Variants in NSD1 observed in about 807,000 individuals in gnomAD.
The protein encoded by NSD1 is nuclear receptor binding SET domain protein 1.
Under a neutral mutation model 242.7 loss-of-function variants are expected in NSD1, and 26 were observed. The observed-to-expected ratio is 0.11, with a 90% CI of 0.08 to 0.15. The LOEUF (loss-of-function observed/expected upper bound fraction) is 0.15, where lower values mean the gene tolerates loss of function less well. Among genes scored for constraint, NSD1 ranks in the 10% least tolerant of loss-of-function variants. NSD1 has a pLI of 1.00. For missense variants in NSD1, 2,495 were observed against 3,272.8 expected (o/e 0.76, Z 5.80); for synonymous variants, 1,106 against 1,178.1 (o/e 0.94, Z 1.25).
chr5:177,170,749 T>C (rs995592529), intron 2 of NSD1, among the ~76,000 whole-genome samples: 4 of 152,176 alleles, frequency 2.6e-5, no homozygotes, highest in African/African-American at 7.2e-5. Flanking sequence ...CACAGTGTTA[T>C]ATAATCATTT....
intron 2 of NSD1, among the ~76,000 whole-genome samples, chr5:177,161,938 A>C (rs1006512625): frequency 3.3e-5 from 5 of 152,010 alleles, no homozygotes; most frequent in African/African-American, 1.2e-4. Context: ...GGTGTGAGCC[A>C]CTGTTCTAGG....
chr5:177,163,005 G>T (rs1758881840), intron 2 of NSD1, among the ~76,000 whole-genome samples: 1 of 152,020 alleles, frequency 6.6e-6, no homozygotes, highest in South Asian at 2.1e-4. Flanking sequence ...AAGAGACAGG[G>T]TCTCCCTGTG....
chr5:177,246,593 G>A (rs1308504247), intron 9 of NSD1, 85 bp from the exon 10 acceptor site: 36 of 900,674 alleles, frequency 4.0e-5, no homozygotes, highest in Non-Finnish European at 5.6e-5. Flanking sequence ...GAGTTTTAAG[G>A]TTGGTTTTTA....
chr5:177,281,733 A>G (rs1758904493), intron 18 of NSD1, among the ~76,000 whole-genome samples: 1 of 152,132 alleles, frequency 6.6e-6, no homozygotes, highest in East Asian at 1.9e-4. Context: ...GCTCACTGCA[A>G]CCTTCAACTT....
intron 8 of NSD1, among the ~76,000 whole-genome samples, chr5:177,240,280 A>C (rs963265505): frequency 2.0e-5 from 3 of 152,032 alleles, no homozygotes; most frequent in African/African-American, 7.3e-5. Flanking sequence ...CCCAGGCTGG[A>C]GTGCAGTGGC....
chr5:177,289,419 G>A (rs1321201542), intron 21 of NSD1, among the ~76,000 whole-genome samples: 1 of 152,118 alleles, frequency 6.6e-6, no homozygotes, highest in Non-Finnish European at 1.5e-5. Context: ...AGAGGTTTTT[G>A]GGGATATTGT....
chr5:177,210,380 A>C lies in NSD1; in HGVS notation c.1981A>C (p.Ser661Arg), dbSNP rs1562207277. 1 of 1,614,192 alleles carries C rather than the reference A, an allele frequency of 6.2e-7. No individual in the cohort carries two copies. Among genetic ancestry groups the C allele is most frequent in the Admixed American group, 1.7e-5 (1 of 60,034 alleles). ...AGAACACAGCTCAGAGTCTGATAACAGTGTCCTTGAAATTCCAGATGCTTT... is the reference window on the plus strand; with the variant it reads ...AGAACACAGCTCAGAGTCTGATAACCGTGTCCTTGAAATTCCAGATGCTTT... ...PIEHSSESDN[S>R]VLEIPDAFDR... Residue 661 changes from serine (S) to arginine (R), a missense_variant, in exon 5 of 23, where the codon AGT becomes CGT. This residue lies in a region of NSD1 where 515 missense variants were observed against 467.0 expected (regional missense o/e 1.10). Coordinates refer to ENST00000439151, the MANE Select transcript of NSD1 (RefSeq NM_022455.5).
intron 13 of NSD1, among the ~76,000 whole-genome samples, chr5:177,259,404 T>G (rs568226168): frequency 6.8e-6 from 1 of 146,796 alleles, no homozygotes; most frequent in South Asian, 2.2e-4. Context: ...GAAGACTGTT[T>G]GAGCACACAG....
chr5:177,159,988 C>G (rs1263291551), intron 2 of NSD1, among the ~76,000 whole-genome samples: 1 of 152,100 alleles, frequency 6.6e-6, no homozygotes, highest in East Asian at 1.9e-4. Flanking sequence ...CTCCCTGGCT[C>G]AAGCGATTCT....
At chr5:177,158,295 TTC>T (rs1491107302) in intron 2 of NSD1, among the ~76,000 whole-genome samples, 2 of 127,792 alleles carry the variant, frequency 1.6e-5, no homozygotes, top group East Asian at 2.0e-4. Context: ...CTTTCTTTCT[TTC>T]TTTCTTTTCT....
At chr5:177,156,635 A>T (rs1448243297) in intron 2 of NSD1, among the ~76,000 whole-genome samples, 1 of 152,110 alleles carries the variant, frequency 6.6e-6, no homozygotes, top group Non-Finnish European at 1.5e-5. Context: ...TGGCAATAAT[A>T]TCAAGACCCC....
At chr5:177,195,528 C>G (rs554276457) in intron 3 of NSD1, among the ~76,000 whole-genome samples, 4 of 152,068 alleles carry the variant, frequency 2.6e-5, no homozygotes, top group African/African-American at 9.7e-5. Flanking sequence ...AATGCAGTGG[C>G]GTGATCATGA....
intron 2 of NSD1, among the ~76,000 whole-genome samples, chr5:177,154,996 A>AT (rs908860638): frequency 8.1e-4 from 97 of 120,200 alleles, no homozygotes; most frequent in Admixed American, 6.9e-4. Context: ...GTGCCCGGCA[A>AT]TTTTTTTTTT....
At chr5:177,216,519 A>G (rs1019693645) in intron 5 of NSD1, among the ~76,000 whole-genome samples, 2 of 152,130 alleles carry the variant, frequency 1.3e-5, no homozygotes, top group Non-Finnish European at 2.9e-5. Flanking sequence ...TGTAAGGTGT[A>G]AAATGAGAGT....
At chr5:177,159,327 C>T (rs948613065) in intron 2 of NSD1, among the ~76,000 whole-genome samples, 2 of 151,220 alleles carry the variant, frequency 1.3e-5, no homozygotes, top group Non-Finnish European at 2.9e-5. Flanking sequence ...CTCGGTTGTC[C>T]AGGCTGGAGT....
chr5:177,175,636 AT>A (rs1443291607), intron 2 of NSD1, among the ~76,000 whole-genome samples: 1 of 152,150 alleles, frequency 6.6e-6, no homozygotes, highest in African/African-American at 2.4e-5. Context: ...CTTAAAAAAA[AT>A]AAAGTATTTG....
At chr5:177,194,953 G>T (rs187669450) in intron 3 of NSD1, among the ~76,000 whole-genome samples, 39 of 152,100 alleles carry the variant, frequency 2.6e-4, no homozygotes, top group African/African-American at 9.2e-4. Flanking sequence ...GAGGTCAGGA[G>T]TTCGAGACCA....
chr5:177,197,131 G>A (rs555529185), intron 3 of NSD1, among the ~76,000 whole-genome samples: 6 of 152,094 alleles, frequency 3.9e-5, no homozygotes, highest in East Asian at 3.9e-4. Flanking sequence ...TTAGCTGGGC[G>A]TGGTGGTGGA....
intron 9 of NSD1, 46 bp from the exon 10 acceptor site, chr5:177,246,632 C>T: frequency 3.2e-6 from 4 of 1,253,962 alleles, no homozygotes; most frequent in Non-Finnish European, 4.7e-6. Context: ...AGATTTTGGA[C>T]ATGTGTGTTA....
Sources: gnomAD v4.1 joint callset for allele counts (sites outside exome capture counted in the v4.1 genomes callset) on GRCh38, gnomAD v4.1.1 for gene constraint, gnomAD v4.1.1 regional missense constraint, MANE v1.5 for transcripts, NCBI Gene and HGNC (gene_info 2026-07-23, HGNC 2026-07-21) for gene names.